Variants in ZNF609 observed in about 807,000 individuals in gnomAD.
ZNF609 encodes zinc finger protein 609.
ZNF609 carries 11 observed loss-of-function variants against 109.5 expected under a neutral mutation model. That is an observed-to-expected ratio of 0.10 (90% CI 0.06 to 0.17). The LOEUF (loss-of-function observed/expected upper bound fraction) is 0.17. Ranked by LOEUF, ZNF609 falls within the 10% of genes least tolerant of loss-of-function variation. ZNF609 has a pLI of 1.00. For synonymous variants in ZNF609, 646 were observed against 662.0 expected (o/e 0.98, Z 0.37); for missense variants, 1,559 against 1,772.4 (o/e 0.88, Z 2.16).
At chr15:64,481,742 G>C (rs1893257549) in intron 1 of ZNF609, among the ~76,000 whole-genome samples, 1 of 152,112 alleles carries the variant, frequency 6.6e-6, no homozygotes, top group African/African-American at 2.4e-5. Context: ...AATTCAATAA[G>C]CCTCTTTGTA....
intron 1 of ZNF609, among the ~76,000 whole-genome samples, chr15:64,468,409 C>T (rs2140328445): frequency 6.6e-6 from 1 of 152,154 alleles, no homozygotes; most frequent in South Asian, 2.1e-4. Flanking sequence ...CTCAATGCCA[C>T]CACACCTGGC....
intron 2 of ZNF609, among the ~76,000 whole-genome samples, chr15:64,510,703 A>C (rs1893712199): frequency 6.6e-6 from 1 of 152,200 alleles, no homozygotes; most frequent in South Asian, 2.1e-4. Context: ...AGGAAATAAA[A>C]AAGACAGTTT....
At chr15:64,560,171 G>T (rs542275332) in intron 2 of ZNF609, among the ~76,000 whole-genome samples, 5 of 151,972 alleles carry the variant, frequency 3.3e-5, no homozygotes, top group East Asian at 3.9e-4. Flanking sequence ...TCAGCCTCCC[G>T]AGTAGCTGGG....
intron 1 of ZNF609, among the ~76,000 whole-genome samples, chr15:64,492,510 G>A (rs968030621): frequency 5.3e-5 from 8 of 152,122 alleles, no homozygotes; most frequent in African/African-American, 1.7e-4. Flanking sequence ...TATAAGAGTA[G>A]TTGGGTCATA....
chr15:64,572,261 C>G (rs958616298), intron 2 of ZNF609, among the ~76,000 whole-genome samples: 1 of 152,074 alleles, frequency 6.6e-6, no homozygotes, highest in Non-Finnish European at 1.5e-5. Flanking sequence ...TTTGGGAAGC[C>G]GAAGTAGGCA....
intron 2 of ZNF609, among the ~76,000 whole-genome samples, chr15:64,566,718 G>C (rs758558155): frequency 6.6e-6 from 1 of 152,206 alleles, no homozygotes; most frequent in Non-Finnish European, 1.5e-5. Flanking sequence ...TGTGGAGGGC[G>C]TGGTAGAGAC....
At chr15:64,524,961 C>T (rs1344930289) in intron 2 of ZNF609, among the ~76,000 whole-genome samples, 1 of 152,150 alleles carries the variant, frequency 6.6e-6, no homozygotes, top group East Asian at 1.9e-4. Context: ...ATTCCAATTT[C>T]CCCACACTTT....
intron 2 of ZNF609, among the ~76,000 whole-genome samples, chr15:64,598,691 G>T (rs1895438610): frequency 1.6e-5 from 2 of 123,736 alleles, no homozygotes; most frequent in East Asian, 2.4e-4. Flanking sequence ...TTTTGGTTTG[G>T]CTATTAAAAA....
chr15:64,589,507 CAAG>C (rs1895259492), intron 2 of ZNF609, among the ~76,000 whole-genome samples: 1 of 152,152 alleles, frequency 6.6e-6, no homozygotes, highest in Admixed American at 6.5e-5. Context: ...ATTTTACTAA[CAAG>C]AAAATTGTGG....
chr15:64,588,181 C>A (rs1469079345), intron 2 of ZNF609, among the ~76,000 whole-genome samples: 2 of 149,964 alleles, frequency 1.3e-5, no homozygotes, highest in Admixed American at 1.3e-4. Context: ...GTAATCCCAG[C>A]ACTTTGGGAG....
intron 2 of ZNF609, among the ~76,000 whole-genome samples, chr15:64,503,497 T>C (rs1893591048): frequency 1.3e-5 from 2 of 152,118 alleles, no homozygotes; most frequent in Non-Finnish European, 2.9e-5. Context: ...AGTGCTTATG[T>C]CGCCACTCTG....
intron 1 of ZNF609, chr15:64,470,536 C>CT (rs1358349310): frequency 6.7e-6 from 1 of 149,592 alleles, no homozygotes; most frequent in South Asian, 2.1e-4. Flanking sequence ...TTTTTTTTTT[C>CT]TTTTTGAGAT....
At chr15:64,668,682 G>A (rs575749574) in intron 3 of ZNF609, among the ~76,000 whole-genome samples, 4 of 152,048 alleles carry the variant, frequency 2.6e-5, no homozygotes, top group Non-Finnish European at 5.9e-5. Flanking sequence ...AGCCAGGTGC[G>A]GTGGCTCATG....
At chr15:64,489,179 T>G (rs1287620436) in intron 1 of ZNF609, among the ~76,000 whole-genome samples, 1 of 151,832 alleles carries the variant, frequency 6.6e-6, no homozygotes, top group East Asian at 1.9e-4. Flanking sequence ...TTGTGTTTTT[T>G]TTTTTGTTTT....
At chr15:64,495,140 A>G (rs1317149831) in intron 1 of ZNF609, among the ~76,000 whole-genome samples, 1 of 152,238 alleles carries the variant, frequency 6.6e-6, no homozygotes, top group African/African-American at 2.4e-5. Context: ...TTGCCATGGC[A>G]TATGGAATTG....
chr15:64,576,822 C>CAA (rs57802165), intron 2 of ZNF609, among the ~76,000 whole-genome samples: 15 of 79,884 alleles, frequency 1.9e-4, no homozygotes, highest in African/African-American at 6.0e-4. Flanking sequence ...GACTCCATCT[C>CAA]AAAAAAAAAA....
intron 2 of ZNF609, among the ~76,000 whole-genome samples, chr15:64,551,525 G>T (rs1263890465): frequency 6.6e-6 from 1 of 151,972 alleles, no homozygotes; most frequent in Non-Finnish European, 1.5e-5. Context: ...GGTAGTGCAT[G>T]CCTGTAATCC....
chr15:64,590,905 A>T (rs946558217), intron 2 of ZNF609, among the ~76,000 whole-genome samples: 1 of 152,152 alleles, frequency 6.6e-6, no homozygotes, highest in Non-Finnish European at 1.5e-5. Flanking sequence ...AAAAGTAGAA[A>T]ACTTTGTACA....
At chr15:64,561,415 C>G (rs1894677878) in intron 2 of ZNF609, among the ~76,000 whole-genome samples, 1 of 151,650 alleles carries the variant, frequency 6.6e-6, no homozygotes, top group African/African-American at 2.4e-5. Context: ...AAAATAGGAT[C>G]TTAATTTTAA....
Sources: gnomAD v4.1 joint callset for allele counts (sites outside exome capture counted in the v4.1 genomes callset) on GRCh38, gnomAD v4.1.1 for gene constraint, MANE v1.5 for transcripts, NCBI Gene and HGNC (gene_info 2026-07-23, HGNC 2026-07-21) for gene names.